GALM: variants seen among roughly 807,000 people sequenced by gnomAD.
The protein encoded by GALM is aldose 1-epimerase.
In GALM, 43 loss-of-function variants were observed where a neutral mutation model predicts 37.4. That is an observed-to-expected ratio of 1.15 (90% CI 0.90 to 1.48). The LOEUF is 1.48. GALM is among the 40% of genes most tolerant of loss of function. GALM has a pLI of 0.00. For synonymous variants in GALM, 199 were observed against 170.6 expected (o/e 1.17, Z -1.30); for missense variants, 456 against 419.1 (o/e 1.09, Z -0.77).
rs73930950 is a variant in GALM, at chr2:38,733,303, A to G, written c.952-185A>G. ...CCCTTCATCAGGAAAGCCTTCCTTTAACAAAGTGTGCTTTTTTCACTCTGA... is the reference window on the plus strand; with the variant it reads ...CCCTTCATCAGGAAAGCCTTCCTTTGACAAAGTGTGCTTTTTTCACTCTGA... On this transcript the variant is annotated intron_variant, in intron 6 of 6. Coordinates refer to ENST00000272252, the MANE Select transcript of GALM (RefSeq NM_138801.3). Among the ~76,000 whole-genome samples, 5,402 of 152,054 alleles carry G rather than the reference A, an allele frequency of 0.036. 321 individuals are homozygous for G. The highest frequency in any genetic ancestry group is 0.12 in the African/African-American group (5,052 of 41,404).
intron 2 of GALM, among the ~76,000 whole-genome samples, chr2:38,679,126 A>G (rs1665331941): frequency 6.6e-6 from 1 of 152,168 alleles, no homozygotes; most frequent in Non-Finnish European, 1.5e-5. Context: ...AGCTGGGATT[A>G]CAGGCATGAG....
intron 4 of GALM, among the ~76,000 whole-genome samples, chr2:38,713,886 C>T (rs1006637538): frequency 2.2e-5 from 3 of 134,746 alleles, no homozygotes; most frequent in Non-Finnish European, 3.1e-5. Flanking sequence ...GCCTGGGCAA[C>T]AGAGCAAGAC....
chr2:38,706,163 C>T (rs1666033297), intron 4 of GALM, among the ~76,000 whole-genome samples: 1 of 151,876 alleles, frequency 6.6e-6, no homozygotes, highest in African/African-American at 2.4e-5. Flanking sequence ...CGCCACCCTG[C>T]CCAGCTAATT....
At position 38,731,907 on chromosome 2, in the gene GALM, C is replaced by T; in HGVS notation, c.949C>T (p.Gln317Ter). The T allele has an allele frequency of 6.2e-7, 1 of 1,613,644 alleles. No homozygotes were observed. Among genetic ancestry groups the T allele is most frequent in the South Asian group, 1.1e-5 (1 of 91,054 alleles). ...TCAGAACTGGCCTGATGCAGTCAAT[C>T]AGGTAATGCCACAGGCTGGCTTTTC... ...ETQNWPDAVNQPRFPPVLLRP... is the reference protein window; with the variant it reads ...ETQNWPDAVN Residue 317 changes from glutamine (Q) to a stop codon, truncating the protein, a stop_gained and splice_region_variant, in exon 6 of 7, where the codon CAG becomes TAG. Transcript: ENST00000272252. LOFTEE classifies it high-confidence loss of function.
chr2:38,671,965 G>A (rs1665115802), intron 1 of GALM, among the ~76,000 whole-genome samples: 1 of 151,744 alleles, frequency 6.6e-6, no homozygotes. Context: ...CAGCCTAGGT[G>A]ACAGAGAAAG....
chr2:38,697,589 A>C (rs1241375893), intron 4 of GALM, among the ~76,000 whole-genome samples: 1 of 152,188 alleles, frequency 6.6e-6, no homozygotes, highest in African/African-American at 2.4e-5. Context: ...AGGTGATGGG[A>C]AAACACATCA....
At chr2:38,699,402 C>G (rs917042072) in intron 4 of GALM, among the ~76,000 whole-genome samples, 1 of 152,224 alleles carries the variant, frequency 6.6e-6, no homozygotes, top group Non-Finnish European at 1.5e-5. Context: ...TTGGGACATT[C>G]AAAATCTGCT....
At chr2:38,709,270 A>G (rs1290218372) in intron 4 of GALM, among the ~76,000 whole-genome samples, 1 of 152,174 alleles carries the variant, frequency 6.6e-6, no homozygotes, top group South Asian at 2.1e-4. Flanking sequence ...GCAGGAGAGC[A>G]GCAGGACTAG....
intron 4 of GALM, among the ~76,000 whole-genome samples, chr2:38,693,997 T>C (rs978799359): frequency 1.3e-5 from 2 of 152,066 alleles, no homozygotes; most frequent in Non-Finnish European, 2.9e-5. Context: ...CTGGGCAACA[T>C]AGGGAGACCC....
rs564104265 is a variant in GALM, at chr2:38,691,837, C to T, written c.634+1943C>T. ...ACAAATTTAATCTCAGAATAAGGAA[C>T]AACTCTTTATGTTGAATTTATGTAG... is the stretch of plus-strand genomic sequence containing the variant. On this transcript the variant is annotated intron_variant, in intron 4 of 6. Transcript: ENST00000272252. Among the ~76,000 whole-genome samples the T allele has an allele frequency of 1.6e-4, 24 of 150,782 alleles. No individual in the cohort carries two copies. The South Asian group carries it at 5.0e-3, about 32-fold the overall frequency.
chr2:38,718,586 A>G (rs1666315047), intron 4 of GALM, among the ~76,000 whole-genome samples: 1 of 151,884 alleles, frequency 6.6e-6, no homozygotes, highest in African/African-American at 2.4e-5. Flanking sequence ...AGTCTATGTC[A>G]GATTTCCTTT....
At chr2:38,713,110 A>AGGATGGT (rs1666204180) in intron 4 of GALM, among the ~76,000 whole-genome samples, 1 of 152,018 alleles carries the variant, frequency 6.6e-6, no homozygotes, top group East Asian at 1.9e-4. Flanking sequence ...TTTGGAGGAG[A>AGGATGGT]GCAGGAGGCC....
At chr2:38,673,355 A>G (rs1385986945) in intron 1 of GALM, among the ~76,000 whole-genome samples, 1 of 152,214 alleles carries the variant, frequency 6.6e-6, no homozygotes, top group Non-Finnish European at 1.5e-5. Context: ...GTGGAAAGTA[A>G]TCTTGGTAAT....
chr2:38,709,069 A>G (rs1043973964), intron 4 of GALM, among the ~76,000 whole-genome samples: 2 of 152,110 alleles, frequency 1.3e-5, no homozygotes. Context: ...ACAGGGTGTA[A>G]GGCAGATCAA....
intron 6 of GALM, among the ~76,000 whole-genome samples, chr2:38,732,306 C>A (rs1298607221): frequency 6.6e-6 from 1 of 152,192 alleles, no homozygotes; most frequent in Non-Finnish European, 1.5e-5. Flanking sequence ...GATCCACCTG[C>A]CTTGGCCTCC....
intron 4 of GALM, among the ~76,000 whole-genome samples, chr2:38,710,159 T>A (rs1181217017): frequency 6.6e-6 from 1 of 152,204 alleles, no homozygotes; most frequent in African/African-American, 2.4e-5. Context: ...CCTGTGCAAC[T>A]TGTGAAAATG....
intron 4 of GALM, among the ~76,000 whole-genome samples, chr2:38,701,444 C>G (rs1191611928): frequency 1.3e-5 from 2 of 152,098 alleles, no homozygotes; most frequent in African/African-American, 4.8e-5. Flanking sequence ...TTGAAAGTAG[C>G]ATTAGTAAAA....
At chr2:38,686,277 T>TCTCTTTCTCTCTTTCTC (rs778606164) in intron 3 of GALM, among the ~76,000 whole-genome samples, 7 of 112,434 alleles carry the variant, frequency 6.2e-5, no homozygotes, top group Non-Finnish European at 1.3e-4. Context: ...TCTTTCTTTC[T>TCTCTTTCTCTCTTTCTC]TATTTTGAGA....
intron 4 of GALM, among the ~76,000 whole-genome samples, chr2:38,726,230 AT>A (rs368564868): frequency 0.69 from 87,371 of 126,018 alleles, 26,715 homozygotes; most frequent in East Asian, 0.82. Flanking sequence ...TTTTTTTTTT[AT>A]TTTTTTTTTT....
Sources: allele counts gnomAD v4.1 joint callset (sites outside exome capture counted in the v4.1 genomes callset), GRCh38; gene constraint gnomAD v4.1.1; transcripts MANE v1.5; gene names NCBI Gene and HGNC (gene_info 2026-07-23, HGNC 2026-07-21).